ATL2: variants seen among roughly 807,000 people sequenced by gnomAD.
ATL2 encodes the protein atlastin-2.
ATL2 carries 31 observed loss-of-function variants against 73.9 expected under a neutral mutation model. That is an observed-to-expected ratio of 0.42 (90% CI 0.32 to 0.57). The LOEUF (loss-of-function observed/expected upper bound fraction) is 0.57. Ranked by LOEUF, ATL2 falls within the 20% of genes least tolerant of loss-of-function variation. ATL2 has a pLI of 0.14. For synonymous variants in ATL2, 291 were observed against 237.5 expected, an observed-to-expected ratio of 1.23 and a Z score of -2.07; for missense variants, 738 against 702.6, an observed-to-expected ratio of 1.05 and a Z score of -0.57.
chr2:38,318,215 C>A (rs146330005), intron 4 of ATL2: 6 of 200,090 alleles, frequency 3.0e-5, no homozygotes, highest in Non-Finnish European at 1.0e-5. Flanking sequence ...CAGTGGCTCA[C>A]GCCTGTAATC....
intron 1 of ATL2, among the ~76,000 whole-genome samples, chr2:38,350,019 A>G (rs1459980989): frequency 6.6e-6 from 1 of 152,220 alleles, no homozygotes; most frequent in African/African-American, 2.4e-5. Context: ...TAAGCAAATG[A>G]ATAAAAGAGA....
intron 9 of ATL2, among the ~76,000 whole-genome samples, chr2:38,308,787 T>A (rs1297156889): frequency 1.3e-5 from 2 of 152,114 alleles, no homozygotes; most frequent in South Asian, 2.1e-4. Context: ...AAAAAATTCA[T>A]TCATAACTAA....
chr2:38,366,573 A>T, intron 1 of ATL2, among the ~76,000 whole-genome samples: 1 of 152,332 alleles, frequency 6.6e-6, no homozygotes, highest in African/African-American at 2.4e-5. Flanking sequence ...TCTAAGATCT[A>T]CCCATTCTTC....
At chr2:38,357,647 G>T (rs141267033) in intron 1 of ATL2, among the ~76,000 whole-genome samples, 6,733 of 92,668 alleles carry the variant, frequency 0.073, 652 homozygotes, top group African/African-American at 0.3. Flanking sequence ...GCAAGACTCC[G>T]TCTCAAAAAA....
intron 1 of ATL2, among the ~76,000 whole-genome samples, chr2:38,352,518 G>C (rs954499637): frequency 2.0e-5 from 3 of 152,120 alleles, no homozygotes; most frequent in African/African-American, 7.2e-5. Context: ...TGTGAGGCAG[G>C]ATACCAGAGA....
In ATL2 at chr2:38,298,248, AC is replaced by A; in HGVS notation, c.1527del (p.Leu510Ter). 1 of 1,614,146 alleles carries A rather than the reference AC, an allele frequency of 6.2e-7. No individual in the cohort carries two copies. Among genetic ancestry groups the A allele is most frequent in the Non-Finnish European group, 8.5e-7 (1 of 1,179,994 alleles). On this transcript the variant is annotated frameshift_variant, in exon 12 of 13. Transcript: ENST00000378954. LOFTEE classifies it high-confidence loss of function. ...SIAVLCNLVMGLALIFLCTWA... is the reference protein window; with the variant it reads ...SIAVLCNLVMXLALIFLCTWA... ...CAAGTACAAAGAAATATCAGTGCTA[AC>A]CCCATGACAAGGTTACACAAGACAG... is the stretch of plus-strand genomic sequence containing the variant.
intron 1 of ATL2, among the ~76,000 whole-genome samples, chr2:38,366,928 T>C (rs564531260): frequency 6.6e-5 from 10 of 152,254 alleles, no homozygotes; most frequent in East Asian, 5.8e-4. Context: ...CCCCTTCATG[T>C]CCTACCCTCA....
intron 1 of ATL2, among the ~76,000 whole-genome samples, chr2:38,353,468 C>T (rs1670476450): frequency 6.6e-6 from 1 of 152,162 alleles, no homozygotes; most frequent in South Asian, 2.1e-4. Context: ...GGAACACTAT[C>T]CAACCTGCAT....
chr2:38,335,860 G>A (rs1224240478), intron 2 of ATL2, among the ~76,000 whole-genome samples: 1 of 152,134 alleles, frequency 6.6e-6, no homozygotes, highest in Non-Finnish European at 1.5e-5. Flanking sequence ...CTAACACAGT[G>A]AAACCCCGTC....
intron 1 of ATL2, among the ~76,000 whole-genome samples, chr2:38,371,025 TCC>T (rs902737569): frequency 6.6e-6 from 1 of 151,102 alleles, no homozygotes; most frequent in African/African-American, 2.4e-5. Context: ...AAAAATCAAC[TCC>T]CCCATTCTGA....
intron 7 of ATL2, among the ~76,000 whole-genome samples, chr2:38,311,712 C>T (rs1284357462): frequency 2.0e-5 from 3 of 152,146 alleles, no homozygotes; most frequent in African/African-American, 7.2e-5. Context: ...GAGGTGAGTG[C>T]TTCTAGGTGC....
intron 2 of ATL2, among the ~76,000 whole-genome samples, chr2:38,335,483 C>T (rs1441868703): frequency 6.6e-6 from 1 of 152,130 alleles, no homozygotes; most frequent in African/African-American, 2.4e-5. Context: ...AGAAACAAGA[C>T]ACAGGAGTAC....
At chr2:38,361,674 TTCTC>T (rs1671024931) in intron 1 of ATL2, among the ~76,000 whole-genome samples, 1 of 152,218 alleles carries the variant, frequency 6.6e-6, no homozygotes, top group Admixed American at 6.5e-5. Flanking sequence ...TATTTTATCT[TTCTC>T]TGTCATTTTT....
rs535978317 is a variant in ATL2, at chr2:38,322,948, A to T, written c.364-3929T>A. 1.4e-4 allele frequency among the ~76,000 whole-genome samples: 21 copies of T among 152,348 alleles called. 1 individual carries two copies. Among genetic ancestry groups the T allele is most frequent in the Non-Finnish European group, 5.9e-5 (4 of 68,022 alleles). On this transcript the variant is annotated intron_variant, in intron 2 of 12. Transcript: ENST00000378954. ...CTAATCAGATTCTTTAAAACGTGTAAAAGTGTATAATTTCTCTAACATAGT... is the reference window on the plus strand; with the variant it reads ...CTAATCAGATTCTTTAAAACGTGTATAAGTGTATAATTTCTCTAACATAGT...
Position 38,314,674 on chromosome 2 carries a change from A to G in ATL2, c.655-10T>C. On this transcript the variant is annotated splice_polypyrimidine_tract_variant and intron_variant, in intron 5 of 12. Transcript: ENST00000378954. Reference sequence around the variant, plus strand: ...CATACTCTGTAAATAACTATTAAATAGAGTTAGTTAAAATAATGCCTCTAA... The same window carrying G: ...CATACTCTGTAAATAACTATTAAATGGAGTTAGTTAAAATAATGCCTCTAA... The G allele has an allele frequency of 6.4e-7, 1 of 1,557,940 alleles. No individual in the cohort carries two copies. Among genetic ancestry groups the G allele is most frequent in the Non-Finnish European group, 8.8e-7 (1 of 1,132,468 alleles).
chr2:38,354,350 T>C lies in ATL2; in HGVS notation c.119-10838A>G, dbSNP rs570583265. 5.3e-5 allele frequency among the ~76,000 whole-genome samples: 8 copies of C among 152,336 alleles called. No homozygotes were observed. The East Asian group carries it at 1.5e-3, about 29-fold the overall frequency. ...AGATACAAATATAAAAGACTGGTTC[T>C]TTCTTCCAACTAATCTCCCTAAAAG... On this transcript the variant is annotated intron_variant, in intron 1 of 12. Coordinates refer to ENST00000378954, the MANE Select transcript of ATL2 (RefSeq NM_001135673.4).
intron 1 of ATL2, among the ~76,000 whole-genome samples, chr2:38,363,558 A>G (rs1385732249): frequency 6.6e-6 from 1 of 152,228 alleles, no homozygotes; most frequent in Non-Finnish European, 1.5e-5. Flanking sequence ...CCTTTAAAAT[A>G]TAAGATGCAA....
chr2:38,312,723 A>AG (rs1667825978), intron 7 of ATL2, among the ~76,000 whole-genome samples: 2 of 149,292 alleles, frequency 1.3e-5, no homozygotes, highest in African/African-American at 5.1e-5. Flanking sequence ...AAAAAAAAAA[A>AG]AAGAAGGTGC....
In ATL2 at chr2:38,310,453, G is replaced by T. The variant is rs1486425411; in HGVS notation, c.805-6C>A. The T allele has an allele frequency of 1.3e-6, 2 of 1,579,846 alleles. No individual in the cohort carries two copies. Among genetic ancestry groups the T allele is most frequent in the South Asian group, 2.3e-5 (2 of 85,486 alleles). On this transcript the variant is annotated splice_polypyrimidine_tract_variant and splice_region_variant and intron_variant, in intron 7 of 12. Coordinates refer to ENST00000378954, the MANE Select transcript of ATL2 (RefSeq NM_001135673.4). ...TCATGTTGATTTTGTTTTACCTGAG[G>T]GCGGAGAGAGACAGGTGAAATTGTA...
Sources: gnomAD v4.1 joint callset for allele counts (sites outside exome capture counted in the v4.1 genomes callset) on GRCh38, gnomAD v4.1.1 for gene constraint, MANE v1.5 for transcripts, NCBI Gene and HGNC (gene_info 2026-07-23, HGNC 2026-07-21) for gene names.